RANBP17: variants seen among roughly 807,000 people sequenced by gnomAD.
RANBP17 encodes the protein RAN binding protein 17.
Under a neutral mutation model 141.2 loss-of-function variants are expected in RANBP17, and 158 were observed. The observed-to-expected ratio is 1.12, with a 90% CI of 0.98 to 1.28. The LOEUF (loss-of-function observed/expected upper bound fraction) is 1.28, where lower values mean the gene tolerates loss of function less well. Ranked by LOEUF, RANBP17 falls within the 50% of genes most tolerant of loss-of-function variation. The pLI is 0.00. For missense variants in RANBP17, 1,438 were observed against 1,290.7 expected (o/e 1.11, Z -1.75); for synonymous variants, 430 against 450.0 (o/e 0.96, Z 0.56).
chr5:171,068,114 G>T (rs1784416058), intron 14 of RANBP17, among the ~76,000 whole-genome samples: 1 of 151,890 alleles, frequency 6.6e-6, no homozygotes, highest in Non-Finnish European at 1.5e-5. Flanking sequence ...AAATTTCCCT[G>T]TTTCCAAGTT....
At chr5:170,867,492 G>C (rs1236351088) in intron 1 of RANBP17, among the ~76,000 whole-genome samples, 1 of 152,020 alleles carries the variant, frequency 6.6e-6, no homozygotes, top group East Asian at 1.9e-4. Context: ...CCAGATAAAA[G>C]CCTTCAGGGA....
intron 14 of RANBP17, among the ~76,000 whole-genome samples, chr5:171,014,731 CAGAT>C (rs1401030886): frequency 6.6e-6 from 1 of 151,926 alleles, no homozygotes; most frequent in Non-Finnish European, 1.5e-5. Flanking sequence ...GTATTTTACT[CAGAT>C]AGTTACCATT....
intron 14 of RANBP17, among the ~76,000 whole-genome samples, chr5:171,013,334 G>A (rs889051180): frequency 6.6e-6 from 1 of 152,060 alleles, no homozygotes; most frequent in Non-Finnish European, 1.5e-5. Context: ...CTTTCCTATT[G>A]AGAAACCACA....
chr5:171,237,925 C>G (rs1764638584), intron 22 of RANBP17, among the ~76,000 whole-genome samples: 1 of 152,152 alleles, frequency 6.6e-6, no homozygotes, highest in Non-Finnish European at 1.5e-5. Flanking sequence ...AGTCTAACTC[C>G]TAGATTTTCA....
chr5:170,935,765 C>T lies in RANBP17; in HGVS notation c.1468+11215C>T, dbSNP rs541337434. ...TCAGGGACCCACTTGAGGAGGCAGT[C>T]GGTCCGTTCTCAGATCTCACACTCC... On this transcript the variant is annotated intron_variant, in intron 12 of 27. Coordinates refer to ENST00000523189, the MANE Select transcript of RANBP17 (RefSeq NM_022897.5). Among the ~76,000 whole-genome samples the T allele has an allele frequency of 5.3e-4, 81 of 152,292 alleles. 1 individual carries two copies. The highest frequency in any genetic ancestry group is 2.0e-3 in the Admixed American group (31 of 15,296).
intron 16 of RANBP17, 117 bp downstream of exon 16, chr5:171,171,403 C>G (rs529828461): frequency 3.6e-6 from 2 of 551,260 alleles, no homozygotes; most frequent in East Asian, 3.0e-5. Context: ...ATAAAAAGAC[C>G]TTTCATTTAG....
chr5:170,909,979 T>A, intron 6 of RANBP17: 1 of 359,166 alleles, frequency 2.8e-6, no homozygotes. Context: ...CCAAAGGGAA[T>A]CTAATAACTT....
In RANBP17 at chr5:171,298,884, G is replaced by A; in HGVS notation, c.*26G>A. ...CCCGACTTTTCTGACCATGTGCGGA[G>A]CAGCCTTTATCAAGAGACTCCTGAA... On this transcript the variant is annotated 3_prime_UTR_variant, in exon 28 of 28. Coordinates refer to ENST00000523189, the MANE Select transcript of RANBP17 (RefSeq NM_022897.5). 2 of 1,581,256 alleles carry A rather than the reference G, an allele frequency of 1.3e-6. No individual in the cohort carries two copies. Among genetic ancestry groups the A allele is most frequent in the South Asian group, 1.1e-5 (1 of 90,192 alleles).
intron 22 of RANBP17, among the ~76,000 whole-genome samples, chr5:171,236,172 G>A (rs566613952): frequency 5.3e-4 from 81 of 152,234 alleles, no homozygotes; most frequent in African/African-American, 1.8e-3. Flanking sequence ...AGTTCTCTTC[G>A]CATAACTGCT....
chr5:171,298,807 G>A lies in RANBP17; in HGVS notation c.3216G>A (p.Ala1072=), dbSNP rs148315082. The A allele has an allele frequency of 8.1e-5, 131 of 1,614,046 alleles. No individual in the cohort carries two copies. In the Middle Eastern group the frequency reaches 1.6e-3, roughly 20 times the overall value. Residue 1072 remains alanine, a synonymous_variant, in exon 28 of 28, where the codon GCG becomes GCA. Transcript: ENST00000523189. ...TATTCAGAAGAGATGTGGCAGAGGCGTTGCGCAGTGATGGCAACACTGAAC... is the reference window on the plus strand; with the variant it reads ...TATTCAGAAGAGATGTGGCAGAGGCATTGCGCAGTGATGGCAACACTGAAC... The part of the protein sequence containing the change: ...LSVFRRDVAE[A]LRSDGNTEPC...
chr5:171,096,676 G>A (rs1432299287), intron 14 of RANBP17, among the ~76,000 whole-genome samples: 2 of 152,148 alleles, frequency 1.3e-5, no homozygotes, highest in Non-Finnish European at 2.9e-5. Flanking sequence ...GAATTTGGGG[G>A]AAATGTTGAA....
intron 24 of RANBP17, among the ~76,000 whole-genome samples, chr5:171,249,954 CATT>C (rs1439437608): frequency 6.6e-6 from 1 of 152,144 alleles, no homozygotes; most frequent in Non-Finnish European, 1.5e-5. Flanking sequence ...TTCCATGGTA[CATT>C]ATAGTCAGAA....
chr5:171,055,610 G>A (rs1382281787), intron 14 of RANBP17, among the ~76,000 whole-genome samples: 1 of 151,966 alleles, frequency 6.6e-6, no homozygotes, highest in Non-Finnish European at 1.5e-5. Flanking sequence ...CCATGGGTTT[G>A]TACCATCAAA....
intron 14 of RANBP17, among the ~76,000 whole-genome samples, chr5:171,083,960 C>CT (rs56784069): frequency 0.036 from 5,285 of 146,646 alleles, 223 homozygotes; most frequent in African/African-American, 0.099. Context: ...GTGGTTATGT[C>CT]TTTTTTTTTT....
chr5:171,147,783 G>A (rs568329555), intron 14 of RANBP17, among the ~76,000 whole-genome samples: 5 of 152,070 alleles, frequency 3.3e-5, no homozygotes, highest in Non-Finnish European at 7.4e-5. Context: ...TCAGCCCCCC[G>A]CCCGGCCAGC....
chr5:170,982,988 C>A, intron 14 of RANBP17: 2 of 381,926 alleles, frequency 5.2e-6, no homozygotes, highest in East Asian at 5.8e-5. Flanking sequence ...TCCAGTAAAA[C>A]TTAAGTATGA....
chr5:170,897,573 C>T (rs920935270), intron 5 of RANBP17, among the ~76,000 whole-genome samples: 4 of 151,766 alleles, frequency 2.6e-5, no homozygotes, highest in African/African-American at 9.7e-5. Context: ...CCCCCAACCC[C>T]CAACAGGCCC....
intron 14 of RANBP17, among the ~76,000 whole-genome samples, chr5:171,135,382 A>G (rs1265442459): frequency 6.6e-6 from 1 of 152,134 alleles, no homozygotes; most frequent in Non-Finnish European, 1.5e-5. Context: ...TTAGGATGGA[A>G]TATTCACTAA....
chr5:170,875,274 T>C (rs1581026015), intron 1 of RANBP17, among the ~76,000 whole-genome samples: 1 of 152,184 alleles, frequency 6.6e-6, no homozygotes, highest in Admixed American at 6.5e-5. Context: ...TTTCCTTCAT[T>C]TTGACATTGG....
Sources: gnomAD v4.1 joint callset for allele counts (sites outside exome capture counted in the v4.1 genomes callset) on GRCh38, gnomAD v4.1.1 for gene constraint, MANE v1.5 for transcripts, NCBI Gene and HGNC (gene_info 2026-07-23, HGNC 2026-07-21) for gene names.